MAGI2: variants seen among roughly 807,000 people sequenced by gnomAD.
MAGI2 encodes the protein membrane-associated guanylate kinase, WW and PDZ domain-containing protein 2.
In MAGI2, 35 loss-of-function variants were observed where a neutral mutation model predicts 133.3. The ratio of observed to expected loss-of-function variants is 0.26; its 90% confidence interval spans 0.20 to 0.35. The LOEUF (loss-of-function observed/expected upper bound fraction) is 0.35, where lower values mean the gene tolerates loss of function less well. MAGI2 is among the 10% of genes least tolerant of loss of function. The probability of loss-of-function intolerance (pLI) is 1.00; values close to 1 mark genes in which losing one functional copy is unlikely to be tolerated. For synonymous variants in MAGI2, 729 were observed against 710.6 expected (o/e 1.03, Z -0.41); for missense variants, 1,636 against 1,863.4 (o/e 0.88, Z 2.25).
intron 16 of MAGI2, among the ~76,000 whole-genome samples, chr7:78,146,449 AT>A (rs1160037122): frequency 1.3e-5 from 2 of 152,174 alleles, no homozygotes; most frequent in East Asian, 3.9e-4. Flanking sequence ...CCAGTTAGAG[AT>A]TTGGAATCTG....
intron 3 of MAGI2, among the ~76,000 whole-genome samples, chr7:78,542,391 T>C (rs996559228): frequency 2.6e-5 from 4 of 152,060 alleles, no homozygotes; most frequent in African/African-American, 9.7e-5. Context: ...AAATAAGCAA[T>C]ATAGACAAAG....
chr7:78,579,127 G>A (rs892117381), intron 3 of MAGI2, among the ~76,000 whole-genome samples: 4 of 151,886 alleles, frequency 2.6e-5, no homozygotes, highest in Non-Finnish European at 5.9e-5. Context: ...GCTACTTAAA[G>A]GAAAAATAAA....
chr7:79,064,019 C>T lies in MAGI2; in HGVS notation c.302-56813G>A, dbSNP rs148510884. Among the ~76,000 whole-genome samples the T allele has an allele frequency of 9.9e-5, 15 of 152,086 alleles. No individual in the cohort carries two copies. In the East Asian group the frequency reaches 1.7e-3, roughly 18 times the overall value. Reference sequence around the variant, plus strand: ...AAGTAAGGATATTGAAGATATCTCACGTATATAGCTTCAAAAATGCCAGTG... The same window carrying T: ...AAGTAAGGATATTGAAGATATCTCATGTATATAGCTTCAAAAATGCCAGTG... On this transcript the variant is annotated intron_variant, in intron 1 of 21. Transcript: ENST00000354212.
rs562343689 is a variant in MAGI2, at chr7:79,143,105, T to C, written c.302-135899A>G. 3.3e-5 allele frequency among the ~76,000 whole-genome samples: 5 copies of C among 152,236 alleles called. No individual in the cohort carries two copies. The South Asian group carries it at 6.2e-4, about 19-fold the overall frequency. ...AGATGGCTTTTAAACTCTCTTCATTTATTATAATCCAGAAAAATGTTTGTG... is the reference window on the plus strand; with the variant it reads ...AGATGGCTTTTAAACTCTCTTCATTCATTATAATCCAGAAAAATGTTTGTG... On this transcript the variant is annotated intron_variant, in intron 1 of 21. Coordinates refer to ENST00000354212, the MANE Select transcript of MAGI2 (RefSeq NM_012301.4).
intron 5 of MAGI2, among the ~76,000 whole-genome samples, chr7:78,497,750 A>ATCTGTCTGTCTGTCTGTCTG (rs57912431): frequency 2.6e-5 from 3 of 113,412 alleles, no homozygotes; most frequent in Non-Finnish European, 2.0e-5. Flanking sequence ...CTATCTATCT[A>ATCTGTCTGTCTGTCTGTCTG]TCTATCTATC....
chr7:79,075,664 G>T (rs981723703), intron 1 of MAGI2, among the ~76,000 whole-genome samples: 13 of 152,088 alleles, frequency 8.5e-5, no homozygotes, highest in Non-Finnish European at 1.9e-4. Flanking sequence ...TCAGGATGCT[G>T]AGGTGGGGAG....
intron 12 of MAGI2, among the ~76,000 whole-genome samples, chr7:78,192,956 A>G (rs1445958842): frequency 6.6e-6 from 1 of 152,144 alleles, no homozygotes; most frequent in Admixed American, 6.5e-5. Flanking sequence ...AGGGCGATGA[A>G]GAGCTACCAG....
intron 1 of MAGI2, among the ~76,000 whole-genome samples, chr7:79,209,781 A>C (rs1178615598): frequency 6.6e-6 from 1 of 152,038 alleles, no homozygotes; most frequent in African/African-American, 2.4e-5. Flanking sequence ...TGTCACTCTA[A>C]AAATAATAAT....
At chr7:79,394,410 G>A (rs1190325597) in intron 1 of MAGI2, among the ~76,000 whole-genome samples, 1 of 152,144 alleles carries the variant, frequency 6.6e-6, no homozygotes, top group Non-Finnish European at 1.5e-5. Flanking sequence ...GCCGATTCCT[G>A]TTTACTCCCA....
chr7:78,513,671 G>A (rs1298195111), intron 4 of MAGI2, among the ~76,000 whole-genome samples: 1 of 152,158 alleles, frequency 6.6e-6, no homozygotes, highest in Admixed American at 6.5e-5. Context: ...TACTCTGGTT[G>A]TCCTTGTTCT....
intron 2 of MAGI2, among the ~76,000 whole-genome samples, chr7:78,745,184 A>G (rs1343921236): frequency 6.6e-6 from 1 of 152,056 alleles, no homozygotes; most frequent in Non-Finnish European, 1.5e-5. Flanking sequence ...TAACAATCCT[A>G]TTGGTTTGTT....
chr7:78,102,922 G>A (rs1438047407), intron 20 of MAGI2, among the ~76,000 whole-genome samples: 2 of 152,102 alleles, frequency 1.3e-5, no homozygotes, highest in South Asian at 2.1e-4. Flanking sequence ...ATACCTACCC[G>A]GGGGGATTCT....
At chr7:79,123,267 C>T (rs1820073778) in intron 1 of MAGI2, among the ~76,000 whole-genome samples, 1 of 152,076 alleles carries the variant, frequency 6.6e-6, no homozygotes, top group African/African-American at 2.4e-5. Flanking sequence ...GAAACTTTAC[C>T]TCAATAAACA....
chr7:79,226,134 A>T (rs1830834858), intron 1 of MAGI2, among the ~76,000 whole-genome samples: 1 of 152,232 alleles, frequency 6.6e-6, no homozygotes, highest in African/African-American at 2.4e-5. Flanking sequence ...GACTACAGTT[A>T]TTAATTTAAC....
intron 6 of MAGI2, among the ~76,000 whole-genome samples, chr7:78,408,105 C>T (rs1191427980): frequency 1.3e-5 from 2 of 152,012 alleles, no homozygotes; most frequent in African/African-American, 4.8e-5. Flanking sequence ...ATTTCATACA[C>T]ATTTTCCCTG....
intron 2 of MAGI2, among the ~76,000 whole-genome samples, chr7:78,641,539 C>T (rs1264610322): frequency 1.3e-5 from 2 of 152,180 alleles, no homozygotes; most frequent in Non-Finnish European, 2.9e-5. Context: ...GTTTTCGATG[C>T]TTTGTGTCTT....
At chr7:79,171,052 A>G (rs1340239268) in intron 1 of MAGI2, among the ~76,000 whole-genome samples, 1 of 152,152 alleles carries the variant, frequency 6.6e-6, no homozygotes, top group Non-Finnish European at 1.5e-5. Context: ...CAGTCAACTT[A>G]GTGGATACAA....
chr7:78,924,645 T>C (rs1799543421), intron 2 of MAGI2, among the ~76,000 whole-genome samples: 1 of 152,018 alleles, frequency 6.6e-6, no homozygotes, highest in Admixed American at 6.6e-5. Context: ...AGGATATTGG[T>C]CTAAAACTCT....
At chr7:78,778,064 T>C (rs1021431925) in intron 2 of MAGI2, among the ~76,000 whole-genome samples, 4 of 152,238 alleles carry the variant, frequency 2.6e-5, no homozygotes, top group Non-Finnish European at 5.9e-5. Flanking sequence ...TCTGATCTCA[T>C]AATGAATCAT....
Sources: allele counts gnomAD v4.1 joint callset (sites outside exome capture counted in the v4.1 genomes callset), GRCh38; gene constraint gnomAD v4.1.1; transcripts MANE v1.5; gene names NCBI Gene and HGNC (gene_info 2026-07-23, HGNC 2026-07-21).